Variants in SRPX observed in about 807,000 individuals in gnomAD.
The protein encoded by SRPX is sushi repeat containing protein X-linked.
Under a neutral mutation model 38.1 loss-of-function variants are expected in SRPX, and 24 were observed. That is an observed-to-expected ratio of 0.63 (90% CI 0.46 to 0.89). The LOEUF is 0.89. SRPX is among the 40% of genes least tolerant of loss of function. SRPX has a pLI of 0.00. For missense variants in SRPX, 416 were observed against 377.8 expected, an observed-to-expected ratio of 1.10 and a Z score of -0.84; for synonymous variants, 184 against 153.8, an observed-to-expected ratio of 1.20 and a Z score of -1.45.
At chrX:38,180,362 C>T (rs760182014) in intron 1 of SRPX, among the ~76,000 whole-genome samples, 1 of 111,813 alleles carries the variant, frequency 8.9e-6, no homozygotes, top group East Asian at 2.8e-4. Flanking sequence ...TCTAGATCAG[C>T]CTGCCATTTG....
chrX:38,156,760 T>C (rs1056802455), intron 8 of SRPX, 136 bp downstream of exon 8: 1 of 696,357 alleles, frequency 1.4e-6, no homozygotes. Flanking sequence ...TGAATGGTGG[T>C]AGCTCTAAAG....
At chrX:38,161,237 T>A (rs1938252026) in intron 5 of SRPX, among the ~76,000 whole-genome samples, 183 bp from the exon 6 acceptor site, 1 of 111,177 alleles carries the variant, frequency 9.0e-6, no homozygotes, top group Non-Finnish European at 1.9e-5. Flanking sequence ...GAAGAGCAGT[T>A]TGTGACCAGA....
chrX:38,171,367 A>G (rs984900119), intron 4 of SRPX, among the ~76,000 whole-genome samples: 2 of 111,270 alleles, frequency 1.8e-5, no homozygotes, highest in Non-Finnish European at 3.8e-5. Context: ...AGACCAGGAG[A>G]TGCTACTGCT....
chrX:38,198,012 C>T (rs750230310), intron 1 of SRPX, among the ~76,000 whole-genome samples: 2 of 111,774 alleles, frequency 1.8e-5, no homozygotes, highest in Non-Finnish European at 3.8e-5. Flanking sequence ...TAGGGTGGGG[C>T]TCTACAGCCC....
At chrX:38,174,925 T>C (rs898902091) in intron 2 of SRPX, among the ~76,000 whole-genome samples, 1 of 111,807 alleles carries the variant, frequency 8.9e-6, no homozygotes, top group East Asian at 2.8e-4. Context: ...TGTAACAAGA[T>C]ATAAATTTCG....
intron 1 of SRPX, among the ~76,000 whole-genome samples, chrX:38,206,162 C>T (rs755990204): frequency 4.4e-4 from 49 of 112,425 alleles, no homozygotes; most frequent in African/African-American, 1.6e-3. Context: ...TAAGGCAACA[C>T]GGGGAGATGG....
At chrX:38,208,284 T>C (rs1182369071) in intron 1 of SRPX, among the ~76,000 whole-genome samples, 2 of 111,779 alleles carry the variant, frequency 1.8e-5, no homozygotes, top group Non-Finnish European at 3.8e-5. Flanking sequence ...AGATACAGAA[T>C]ACTGCTGGCA....
At chrX:38,200,940 C>T (rs1039219448) in intron 1 of SRPX, among the ~76,000 whole-genome samples, 2 of 111,733 alleles carry the variant, frequency 1.8e-5, no homozygotes, top group Non-Finnish European at 3.8e-5. Flanking sequence ...TTTAAAAAGG[C>T]TTTCAAAAAT....
chrX:38,187,404 A>T (rs762067), intron 1 of SRPX, among the ~76,000 whole-genome samples: 39,908 of 110,709 alleles, frequency 0.36, 5,735 homozygotes, highest in East Asian at 0.69. Flanking sequence ...AATAACCACC[A>T]GGAAAAGCCA....
chrX:38,159,406 AC>A (rs929398758), intron 7 of SRPX, among the ~76,000 whole-genome samples: 3 of 112,795 alleles, frequency 2.7e-5, no homozygotes, highest in Non-Finnish European at 5.6e-5. Context: ...AGAGATACAT[AC>A]ATAATTTTCT....
chrX:38,215,825 G>A (rs1388972260), intron 1 of SRPX, among the ~76,000 whole-genome samples: 1 of 112,100 alleles, frequency 8.9e-6, no homozygotes, highest in Admixed American at 9.5e-5. Flanking sequence ...GATTACATCT[G>A]TTTTGCTTGG....
Position 38,184,047 on chromosome X carries a change from C to T in SRPX, c.98-5703G>A, listed in dbSNP as rs1188610009. Among the ~76,000 whole-genome samples, 3 of 111,207 alleles carry T rather than the reference C, an allele frequency of 2.7e-5. No homozygotes were observed. In the Admixed American group the frequency reaches 2.9e-4, roughly 11 times the overall value. On this transcript the variant is annotated intron_variant, in intron 1 of 9. Coordinates refer to ENST00000378533, the MANE Select transcript of SRPX (RefSeq NM_006307.5). Reference sequence around the variant, plus strand: ...TGAATGTCCAGGTAGATAAGATCATCGAGGCACCAAAGTCACTCTTAAATA... The same window carrying T: ...TGAATGTCCAGGTAGATAAGATCATTGAGGCACCAAAGTCACTCTTAAATA...
chrX:38,188,761 A>G (rs186191537), intron 1 of SRPX, among the ~76,000 whole-genome samples: 2 of 111,866 alleles, frequency 1.8e-5, no homozygotes, highest in Admixed American at 1.9e-4. Flanking sequence ...CATTATTATT[A>G]ATAGCATTCT....
At position 38,164,863 on chromosome X, in the gene SRPX, C is replaced by A; in HGVS notation, c.559G>T (p.Val187Leu). The change falls in exon 5 of 10, where the codon GTG becomes TTG. Residue 187 changes from valine to leucine, a missense_variant. By Grantham distance (32) the Val-to-Leu change is conservative. Coordinates refer to ENST00000378533, the MANE Select transcript of SRPX (RefSeq NM_006307.5). Reference protein sequence around the residue: ...MEPPRIKCPSVKERIAEPNKL... With the variant: ...MEPPRIKCPSLKERIAEPNKL... ...TTGGGTTCTGCAATGCGTTCCTTCA[C>A]ACTTGGGCACTTGATTCTAGGAGGT... 8.3e-7 allele frequency: 1 copy of A among 1,210,299 alleles called. No homozygotes were observed. The highest frequency in any genetic ancestry group is 1.1e-6 in the Non-Finnish European group (1 of 894,777).
At chrX:38,196,122 A>T (rs1191518366) in intron 1 of SRPX, among the ~76,000 whole-genome samples, 1 of 112,198 alleles carries the variant, frequency 8.9e-6, no homozygotes, top group Admixed American at 9.4e-5. Flanking sequence ...TAACAAAAAA[A>T]ATAGGAAGAA....
At position 38,201,813 on chromosome X, in the gene SRPX, C is replaced by T. The variant is rs112163364; in HGVS notation, c.97+18883G>A. Among the ~76,000 whole-genome samples, 276 of 99,213 alleles carry T rather than the reference C, an allele frequency of 2.8e-3. 1 individual carries two copies. The highest frequency in any genetic ancestry group is 9.8e-3 in the African/African-American group (259 of 26,308). 86.2% of individuals were successfully genotyped at this position (99,213 alleles called of 115,157 possible). ...CAGCCTGGGTGACAGAGCGAGACTCCGTCTCAAAAAAAAAAAAAAAAAAGA... is the reference window on the plus strand; with the variant it reads ...CAGCCTGGGTGACAGAGCGAGACTCTGTCTCAAAAAAAAAAAAAAAAAAGA... On this transcript the variant is annotated intron_variant, in intron 1 of 9. Coordinates refer to ENST00000378533, the MANE Select transcript of SRPX (RefSeq NM_006307.5).
intron 1 of SRPX, among the ~76,000 whole-genome samples, chrX:38,213,460 A>G (rs1939371773): frequency 8.9e-6 from 1 of 111,875 alleles, no homozygotes; most frequent in Admixed American, 9.5e-5. Flanking sequence ...GACAACCTCA[A>G]AAGAGGGCAA....
At chrX:38,158,413 A>T (rs183269556) in intron 7 of SRPX, among the ~76,000 whole-genome samples, 10 of 112,302 alleles carry the variant, frequency 8.9e-5, no homozygotes, top group African/African-American at 3.2e-4. Context: ...TGTATGATTT[A>T]TAATCTTGGT....
intron 1 of SRPX, among the ~76,000 whole-genome samples, chrX:38,210,271 A>G (rs1477664702): frequency 8.9e-6 from 1 of 111,885 alleles, no homozygotes; most frequent in Non-Finnish European, 1.9e-5. Context: ...CTGCTGGTCT[A>G]CAGACCCCAC....
Sources: allele counts gnomAD v4.1 joint callset (sites outside exome capture counted in the v4.1 genomes callset), GRCh38; gene constraint gnomAD v4.1.1; transcripts MANE v1.5; gene names NCBI Gene and HGNC (gene_info 2026-07-23, HGNC 2026-07-21).